ANGPTL1: variants seen among roughly 807,000 people sequenced by gnomAD.
ANGPTL1 encodes angiopoietin like 1.
Under a neutral mutation model 46.7 loss-of-function variants are expected in ANGPTL1, and 36 were observed. The observed-to-expected ratio is 0.77, with a 90% CI of 0.59 to 1.02. The LOEUF (loss-of-function observed/expected upper bound fraction) is 1.02. Among genes scored for constraint, ANGPTL1 ranks in the 50% least tolerant of loss-of-function variants. ANGPTL1 has a pLI of 0.00. For synonymous variants in ANGPTL1, 221 were observed against 204.3 expected (o/e 1.08, Z -0.69); for missense variants, 571 against 594.7 (o/e 0.96, Z 0.41).
At position 178,865,360 on chromosome 1, in the gene ANGPTL1, A is replaced by C; in HGVS notation, c.417T>G (p.His139Gln). ...RVTQLYMQLL[H>Q]EIIRKRDNSL... ...AATTATCCCTCTTACGGATAATCTC[A>C]TGTAATAATTGCATATAGAGTTGAG... is the stretch of plus-strand genomic sequence containing the variant. Residue 139 changes from histidine to glutamine, a missense_variant, in exon 3 of 6, where the codon CAT becomes CAG. Transcript: ENST00000234816. The C allele has an allele frequency of 6.2e-7, 1 of 1,614,092 alleles. No individual in the cohort carries two copies. Among genetic ancestry groups the C allele is most frequent in the Non-Finnish European group, 8.5e-7 (1 of 1,179,990 alleles).
intron 1 of ANGPTL1, among the ~76,000 whole-genome samples, chr1:178,869,728 T>A (rs769691975): frequency 1.3e-5 from 2 of 152,146 alleles, no homozygotes; most frequent in Non-Finnish European, 2.9e-5. Flanking sequence ...CATTATTTGC[T>A]TGTTCAAGAT....
chr1:178,865,011 C>T lies in ANGPTL1; in HGVS notation c.766G>A (p.Ala256Thr), dbSNP rs201213550. 8.8e-5 allele frequency: 130 copies of T among 1,473,482 alleles called. No individual in the cohort carries two copies. In the Middle Eastern group the frequency reaches 1.5e-3, roughly 17 times the overall value. The allele number at this position is 1,473,482 out of a possible 1,614,324, so 91.3% of individuals were successfully genotyped here. A position where few individuals can be genotyped will look rare whatever the true frequency, so the allele number is the denominator to read the frequency against. Reference protein sequence around the residue: ...PRDLMPPPDLATSPTKSPFKI... With the variant: ...PRDLMPPPDLTTSPTKSPFKI... The stretch of plus-strand genomic sequence containing the variant: ...AAAGGGCTTTTGGTGGGAGAAGTTG[C>T]CAGATCAGGTGGTGGCATTAAATCT... Residue 256 changes from alanine (A) to threonine (T), a missense_variant, in exon 3 of 6, where the codon GCA becomes ACA. By Grantham distance (58) the Ala-to-Thr change is moderately conservative (BLOSUM62 0). Coordinates refer to ENST00000234816, the MANE Select transcript of ANGPTL1 (RefSeq NM_004673.4).
rs1176802101 is a variant in ANGPTL1, at chr1:178,865,583, C to A, written c.194G>T (p.Cys65Phe). ...VPEQRITGPICVNTKGQDAST... is the reference protein window; with the variant it reads ...VPEQRITGPIFVNTKGQDAST... The stretch of plus-strand genomic sequence containing the variant: ...TGCATCTTGCCCCTTGGTGTTGACA[C>A]AGATTGGCCCTGTTATTCTTTGTTC... Residue 65 changes from cysteine (C) to phenylalanine (F), a missense_variant, in exon 3 of 6, where the codon TGT (cysteine) becomes TTT (phenylalanine). Transcript: ENST00000234816. 1.2e-6 allele frequency: 2 copies of A among 1,613,938 alleles called. No individual in the cohort carries two copies. The highest frequency in any genetic ancestry group is 1.7e-6 in the Non-Finnish European group (2 of 1,179,984).
At chr1:178,855,504 T>C (rs1657473456) in intron 3 of ANGPTL1, among the ~76,000 whole-genome samples, 1 of 152,020 alleles carries the variant, frequency 6.6e-6, no homozygotes, top group Non-Finnish European at 1.5e-5. Flanking sequence ...TATAATGCAA[T>C]ATCCATAAGT....
intron 3 of ANGPTL1, among the ~76,000 whole-genome samples, chr1:178,854,300 T>TA (rs1269290275): frequency 6.6e-6 from 1 of 152,184 alleles, no homozygotes; most frequent in Non-Finnish European, 1.5e-5. Flanking sequence ...ATACCCAAGT[T>TA]ACAGTTTTGG....
At chr1:178,860,735 A>G (rs1250165168) in intron 3 of ANGPTL1, among the ~76,000 whole-genome samples, 1 of 152,092 alleles carries the variant, frequency 6.6e-6, no homozygotes, top group African/African-American at 2.4e-5. Flanking sequence ...TAAAATATAC[A>G]TTGTTGTATA....
intron 4 of ANGPTL1, chr1:178,853,271 A>G (rs1254892676): frequency 1.1e-6 from 1 of 943,784 alleles, no homozygotes; most frequent in Non-Finnish European, 1.3e-6. Context: ...CCAGATCCTT[A>G]AAAAGGGTTC....
At chr1:178,859,467 G>T (rs1168971476) in intron 3 of ANGPTL1, among the ~76,000 whole-genome samples, 8 of 137,386 alleles carry the variant, frequency 5.8e-5, no homozygotes, top group African/African-American at 2.2e-4. Flanking sequence ...GCAGTGTCAC[G>T]ATCTCGGCTC....
intron 4 of ANGPTL1, 149 bp downstream of exon 4, chr1:178,853,445 A>G: frequency 1.3e-6 from 1 of 754,188 alleles, no homozygotes; most frequent in East Asian, 3.2e-5. Flanking sequence ...AGAGATGAGA[A>G]TCATTTTTTT....
At chr1:178,868,547 A>G (rs192976712) in intron 2 of ANGPTL1, among the ~76,000 whole-genome samples, 3 of 152,168 alleles carry the variant, frequency 2.0e-5, no homozygotes, top group East Asian at 1.9e-4. Flanking sequence ...AACAGCTTGT[A>G]TTAATACCAG....
At chr1:178,851,646 G>A (rs1657182891) in intron 5 of ANGPTL1, among the ~76,000 whole-genome samples, 1 of 152,130 alleles carries the variant, frequency 6.6e-6, no homozygotes, top group South Asian at 2.1e-4. Flanking sequence ...GAAAGATACA[G>A]AAGAAGATAA....
chr1:178,862,243 C>T (rs1484248792), intron 3 of ANGPTL1, among the ~76,000 whole-genome samples: 1 of 151,808 alleles, frequency 6.6e-6, no homozygotes, highest in Non-Finnish European at 1.5e-5. Flanking sequence ...TAACTTAGAA[C>T]AGTATAAAAT....
rs190094386 is a variant in ANGPTL1, at chr1:178,867,291, C to T, written c.-26-1489G>A. ...ATGATCCCCACTTTCAGATGGAAAA[C>T]TTGGCATCCAAAAGTTAAGTACCTT... is the stretch of plus-strand genomic sequence containing the variant. On this transcript the variant is annotated intron_variant, in intron 2 of 5. Coordinates refer to ENST00000234816, the MANE Select transcript of ANGPTL1 (RefSeq NM_004673.4). Among the ~76,000 whole-genome samples the T allele has an allele frequency of 2.8e-3, 424 of 152,198 alleles. 5 individuals carry two copies. The highest frequency in any genetic ancestry group is 7.7e-4 in the East Asian group (4 of 5,188).
chr1:178,856,394 ATTTT>A (rs71108081), intron 3 of ANGPTL1, among the ~76,000 whole-genome samples: 64 of 36,410 alleles, frequency 1.8e-3, no homozygotes, highest in African/African-American at 6.9e-3. Context: ...TGCCTGGCTA[ATTTT>A]TTTTTTTTTT....
Position 178,862,634 on chromosome 1 carries a change from G to T in ANGPTL1, c.823+2320C>A, listed in dbSNP as rs540565738. ...ATTTATTTATTTATTTATTTATTTGGTTGGTTGGTTGGTTGGTTTGGCTTG... is the reference window on the plus strand; with the variant it reads ...ATTTATTTATTTATTTATTTATTTGTTTGGTTGGTTGGTTGGTTTGGCTTG... On this transcript the variant is annotated intron_variant, in intron 3 of 5. Coordinates refer to ENST00000234816, the MANE Select transcript of ANGPTL1 (RefSeq NM_004673.4). 7.5e-3 allele frequency among the ~76,000 whole-genome samples: 937 copies of T among 125,708 alleles called. 8 individuals are homozygous for T. The highest frequency in any genetic ancestry group is 0.027 in the African/African-American group (861 of 31,876). The allele number at this position is 125,708 out of a possible 152,430, so 82.5% of individuals were successfully genotyped here. A position where few individuals can be genotyped will look rare whatever the true frequency, so the allele number is the denominator to read the frequency against.
At chr1:178,858,325 T>G (rs1207232654) in intron 3 of ANGPTL1, among the ~76,000 whole-genome samples, 1 of 152,156 alleles carries the variant, frequency 6.6e-6, no homozygotes, top group Non-Finnish European at 1.5e-5. Context: ...ATCTTAAATG[T>G]TTTCACTGCT....
rs890936261 is a variant in ANGPTL1, at chr1:178,850,176, A to G, written c.*953T>C. The G allele has an allele frequency of 2.0e-5, 3 of 152,616 alleles. No homozygotes were observed. The South Asian group carries it at 6.2e-4, about 32-fold the overall frequency. 9.5% of individuals were successfully genotyped at this position (152,616 alleles called of 1,614,324 possible). On this transcript the variant is annotated 3_prime_UTR_variant, in exon 6 of 6. Coordinates refer to ENST00000234816, the MANE Select transcript of ANGPTL1 (RefSeq NM_004673.4). ...AGTTCCTTGAGTTTGTTTTAGTCCC[A>G]CCTGTTCTGAGCATGCACTAATACT...
chr1:178,867,250 T>G (rs185947015), intron 2 of ANGPTL1, among the ~76,000 whole-genome samples: 4 of 152,234 alleles, frequency 2.6e-5, no homozygotes, highest in Admixed American at 2.6e-4. Context: ...ACCACAACCC[T>G]ATGAAGTAGA....
chr1:178,861,476 T>C (rs1283099491), intron 3 of ANGPTL1, among the ~76,000 whole-genome samples: 1 of 151,742 alleles, frequency 6.6e-6, no homozygotes, highest in African/African-American at 2.4e-5. Flanking sequence ...TAATGCTAAG[T>C]GTATAATAAA....
Sources: gnomAD v4.1 joint callset for allele counts (sites outside exome capture counted in the v4.1 genomes callset) on GRCh38, gnomAD v4.1.1 for gene constraint, MANE v1.5 for transcripts, NCBI Gene and HGNC (gene_info 2026-07-23, HGNC 2026-07-21) for gene names.